CSMD3: variants seen among roughly 807,000 people sequenced by gnomAD.
The protein encoded by CSMD3 is CUB and Sushi multiple domains 3, also known as CUB and sushi domain-containing protein 3.
In CSMD3, 177 loss-of-function variants were observed where a neutral mutation model predicts 435.2. The observed-to-expected ratio is 0.41, with a 90% CI of 0.36 to 0.46. The LOEUF (loss-of-function observed/expected upper bound fraction) is 0.46. Ranked by LOEUF, CSMD3 falls within the 20% of genes least tolerant of loss-of-function variation. CSMD3 has a pLI of 0.34. For synonymous variants in CSMD3, 1,656 were observed against 1,520.5 expected (o/e 1.09, Z -2.07); for missense variants, 4,265 against 4,504.6 (o/e 0.95, Z 1.52).
chr8:113,435,531 T>C (rs2094700315), intron 1 of CSMD3, among the ~76,000 whole-genome samples: 1 of 151,950 alleles, frequency 6.6e-6, no homozygotes, highest in South Asian at 2.1e-4. Flanking sequence ...AGAGAGGCAC[T>C]CCTTTACAAA....
chr8:112,449,335 T>C (rs1475254681), intron 32 of CSMD3, among the ~76,000 whole-genome samples: 1 of 152,168 alleles, frequency 6.6e-6, no homozygotes, highest in Non-Finnish European at 1.5e-5. Context: ...GCTCTTCTAA[T>C]GGTGTGGTAT....
intron 39 of CSMD3, among the ~76,000 whole-genome samples, chr8:112,351,917 T>C (rs1346648305): frequency 6.6e-6 from 1 of 151,998 alleles, no homozygotes; most frequent in Non-Finnish European, 1.5e-5. Context: ...AAAAGATCAA[T>C]ATAAATACAT....
At chr8:112,664,130 T>C (rs1376691074) in intron 17 of CSMD3, among the ~76,000 whole-genome samples, 1 of 152,172 alleles carries the variant, frequency 6.6e-6, no homozygotes, top group East Asian at 1.9e-4. Context: ...TACAAAATAA[T>C]GTTTAGTCCA....
intron 38 of CSMD3, among the ~76,000 whole-genome samples, chr8:112,355,781 A>C (rs1049981253): frequency 3.9e-5 from 6 of 152,184 alleles, no homozygotes; most frequent in Admixed American, 3.9e-4. Context: ...TGCAGTGAGC[A>C]GAGATTGTGC....
chr8:112,470,703 T>C (rs567144933), intron 32 of CSMD3, among the ~76,000 whole-genome samples: 1 of 148,032 alleles, frequency 6.8e-6, no homozygotes, highest in African/African-American at 2.5e-5. Context: ...GATACCAAAT[T>C]TACAAATAAA....
At chr8:113,236,508 C>T (rs989418862) in intron 3 of CSMD3, among the ~76,000 whole-genome samples, 3 of 152,072 alleles carry the variant, frequency 2.0e-5, no homozygotes, top group African/African-American at 7.2e-5. Flanking sequence ...CTATAGTGCT[C>T]TCTGTCTCTC....
At chr8:112,441,805 C>T (rs967226498) in intron 32 of CSMD3, among the ~76,000 whole-genome samples, 3 of 152,104 alleles carry the variant, frequency 2.0e-5, no homozygotes, top group Non-Finnish European at 4.4e-5. Context: ...CCAGGGGGAC[C>T]CCCCACCACC....
chr8:113,198,834 G>A (rs1459228973), intron 3 of CSMD3, among the ~76,000 whole-genome samples: 1 of 150,716 alleles, frequency 6.6e-6, no homozygotes, highest in Non-Finnish European at 1.5e-5. Flanking sequence ...GTTTTCATTT[G>A]GAAAATGTGC....
At chr8:113,265,664 A>T (rs1291561830) in intron 3 of CSMD3, among the ~76,000 whole-genome samples, 1 of 151,564 alleles carries the variant, frequency 6.6e-6, no homozygotes, top group African/African-American at 2.4e-5. Flanking sequence ...ATTCATTGTA[A>T]GTTTCTTTAT....
chr8:112,751,628 G>GTT (rs1268656186), intron 13 of CSMD3, among the ~76,000 whole-genome samples: 9 of 133,662 alleles, frequency 6.7e-5, no homozygotes, highest in Admixed American at 1.5e-4. Flanking sequence ...AGAAGTTTAG[G>GTT]TTTTTTTTTT....
intron 13 of CSMD3, among the ~76,000 whole-genome samples, chr8:112,766,149 C>T (rs1458701511): frequency 6.6e-6 from 1 of 151,610 alleles, no homozygotes; most frequent in East Asian, 1.9e-4. Context: ...TACAGATTTA[C>T]TTTTTGAGGG....
chr8:113,057,313 A>G (rs1246302678), intron 5 of CSMD3, among the ~76,000 whole-genome samples: 1 of 152,172 alleles, frequency 6.6e-6, no homozygotes, highest in Non-Finnish European at 1.5e-5. Context: ...TTATTCACCA[A>G]TCTATCTTAG....
At chr8:113,263,584 C>A (rs1183831554) in intron 3 of CSMD3, among the ~76,000 whole-genome samples, 1 of 151,850 alleles carries the variant, frequency 6.6e-6, no homozygotes, top group African/African-American at 2.4e-5. Context: ...CCCCCTCAAC[C>A]TATGACCAAA....
intron 22 of CSMD3, among the ~76,000 whole-genome samples, chr8:112,623,696 C>T (rs892303126): frequency 1.5e-5 from 2 of 133,134 alleles, no homozygotes; most frequent in Non-Finnish European, 3.1e-5. Context: ...ATCTTTGCTA[C>T]TCAACTCAGT....
intron 3 of CSMD3, among the ~76,000 whole-genome samples, chr8:113,181,272 A>G (rs1564399203): frequency 6.6e-6 from 1 of 152,050 alleles, no homozygotes; most frequent in Non-Finnish European, 1.5e-5. Flanking sequence ...TAAGATGCAT[A>G]TATTTCCAAG....
Position 112,281,257 on chromosome 8 carries a change from A to C in CSMD3, c.9425T>G (p.Met3142Arg). ...TFSSSVIYSCMEGYILSGPSV... is the reference protein window; with the variant it reads ...TFSSSVIYSCREGYILSGPSV... ...AGGTCCAGAAAGGATGTATCCCTCC[A>C]TGCAGGAATAAATGACTGAACTAGA... The change falls in exon 59 of 71, where the codon ATG becomes AGG. Residue 3142 changes from methionine (M) to arginine (R), a missense_variant. Coordinates refer to ENST00000297405, the MANE Select transcript of CSMD3 (RefSeq NM_198123.2). The C allele has an allele frequency of 6.2e-7, 1 of 1,613,334 alleles. No individual in the cohort carries two copies.
intron 14 of CSMD3, 55 bp downstream of exon 14, chr8:112,689,813 A>G: frequency 6.8e-7 from 1 of 1,475,122 alleles, no homozygotes; most frequent in Non-Finnish European, 9.5e-7. Context: ...AAAAGCAATT[A>G]TATGCAAGGA....
At chr8:112,731,864 T>A (rs1587110659) in intron 13 of CSMD3, among the ~76,000 whole-genome samples, 2 of 152,150 alleles carry the variant, frequency 1.3e-5, no homozygotes, top group African/African-American at 2.4e-5. Flanking sequence ...GAAAGAAAAC[T>A]GTCAATTTTG....
chr8:112,644,753 A>G (rs1051525764), intron 20 of CSMD3, among the ~76,000 whole-genome samples: 2 of 152,098 alleles, frequency 1.3e-5, no homozygotes, highest in Non-Finnish European at 1.5e-5. Context: ...ATATCAGAGC[A>G]TCTCATATTC....
Sources: allele counts gnomAD v4.1 joint callset (sites outside exome capture counted in the v4.1 genomes callset), GRCh38; gene constraint gnomAD v4.1.1; transcripts MANE v1.5; gene names NCBI Gene and HGNC (gene_info 2026-07-23, HGNC 2026-07-21).